DOK6: variants seen among roughly 807,000 people sequenced by gnomAD.
DOK6 encodes the protein downstream of tyrosine kinase 6.
DOK6 carries 22 observed loss-of-function variants against 44.0 expected under a neutral mutation model. The observed-to-expected ratio is 0.50, with a 90% CI of 0.36 to 0.71. The LOEUF (loss-of-function observed/expected upper bound fraction) is 0.71. DOK6 is among the 30% of genes least tolerant of loss of function. The pLI is 0.00. For missense variants in DOK6, 340 were observed against 416.4 expected (o/e 0.82, Z 1.60); for synonymous variants, 166 against 145.5 (o/e 1.14, Z -1.01).
chr18:69,697,090 T>A (rs4456607), intron 4 of DOK6, among the ~76,000 whole-genome samples: 146,773 of 152,262 alleles, frequency 0.96, 71,005 homozygotes, highest in East Asian at 1. Context: ...TATGGCTAGT[T>A]AATGTTAAGC....
At chr18:69,452,647 A>G (rs377647574) in intron 1 of DOK6, among the ~76,000 whole-genome samples, 13 of 146,786 alleles carry the variant, frequency 8.9e-5, no homozygotes, top group African/African-American at 3.1e-4. Context: ...ATGAACATTG[A>G]TGCAAAAATC....
intron 5 of DOK6, among the ~76,000 whole-genome samples, chr18:69,712,710 G>A (rs552265067): frequency 4.6e-5 from 7 of 152,066 alleles, no homozygotes; most frequent in African/African-American, 1.2e-4. Flanking sequence ...AGCCAGGAGT[G>A]GGGGTGTGCA....
At chr18:69,779,699 T>TGC (rs1424871752) in intron 7 of DOK6, among the ~76,000 whole-genome samples, 1 of 151,648 alleles carries the variant, frequency 6.6e-6, no homozygotes, top group African/African-American at 2.4e-5. Flanking sequence ...CGTGTGTGTG[T>TGC]GTGTGTGTGT....
At chr18:69,606,325 T>A (rs976245388) in intron 3 of DOK6, among the ~76,000 whole-genome samples, 14 of 120,720 alleles carry the variant, frequency 1.2e-4, no homozygotes, top group African/African-American at 3.9e-4. Context: ...AATAAATAAA[T>A]AAAATTCCCA....
At chr18:69,735,354 A>G (rs117753134) in intron 5 of DOK6, among the ~76,000 whole-genome samples, 739 of 152,360 alleles carry the variant, frequency 4.9e-3, no homozygotes, top group Non-Finnish European at 7.9e-3. Context: ...CCTCCAGCTC[A>G]ATACTCCTCT....
intron 7 of DOK6, among the ~76,000 whole-genome samples, chr18:69,771,573 A>C (rs1462398976): frequency 6.6e-6 from 1 of 151,888 alleles, no homozygotes; most frequent in East Asian, 1.9e-4. Flanking sequence ...TTTCAATCAG[A>C]ATTTATGGGG....
rs868566152 is a variant in DOK6, at chr18:69,683,090, A to G, written c.409+5237A>G. On this transcript the variant is annotated intron_variant, in intron 4 of 7. Coordinates refer to ENST00000382713, the MANE Select transcript of DOK6 (RefSeq NM_152721.6). ...ATATTCACTTATATACATATTCTTT[A>G]TAACCAAACAAAAGAGTTTTCCAGG... Among the ~76,000 whole-genome samples, 8 of 152,276 alleles carry G rather than the reference A, an allele frequency of 5.3e-5. No individual in the cohort carries two copies. In the South Asian group the frequency reaches 1.4e-3, roughly 28 times the overall value.
chr18:69,848,150 T>G lies in DOK6; in HGVS notation c.*6767T>G, dbSNP rs920426350. ...CACAGAATTACCCCATCCTGCAAAA[T>G]CCTTATCCCTATGAATCTCTAAAAT... On this transcript the variant is annotated 3_prime_UTR_variant, in exon 8 of 8. Coordinates refer to ENST00000382713, the MANE Select transcript of DOK6 (RefSeq NM_152721.6). 2.0e-5 allele frequency: 3 copies of G among 152,246 alleles called. No individual in the cohort carries two copies. Among genetic ancestry groups the G allele is most frequent in the African/African-American group, 7.2e-5 (3 of 41,534 alleles). 9.4% of individuals were successfully genotyped at this position (152,246 alleles called of 1,614,324 possible).
intron 1 of DOK6, among the ~76,000 whole-genome samples, chr18:69,412,398 T>C (rs1445057430): frequency 1.3e-5 from 2 of 152,060 alleles, no homozygotes; most frequent in Admixed American, 1.3e-4. Context: ...AGAAAAATAA[T>C]TATTTTACTT....
At chr18:69,596,915 G>A (rs1195360087) in intron 2 of DOK6, among the ~76,000 whole-genome samples, 1 of 152,058 alleles carries the variant, frequency 6.6e-6, no homozygotes, top group Non-Finnish European at 1.5e-5. Context: ...TGGCAGCAAA[G>A]TTGTATCGAC....
At chr18:69,796,512 A>C (rs2145102039) in intron 7 of DOK6, among the ~76,000 whole-genome samples, 1 of 152,280 alleles carries the variant, frequency 6.6e-6, no homozygotes, top group South Asian at 2.1e-4. Flanking sequence ...TGTCAGTAAG[A>C]GTTCTGATAG....
In DOK6 at chr18:69,585,720, G is replaced by A. The variant is rs151320919; in HGVS notation, c.175-13664G>A. Among the ~76,000 whole-genome samples, 11 of 152,234 alleles carry A rather than the reference G, an allele frequency of 7.2e-5. No individual in the cohort carries two copies. In the East Asian group the frequency reaches 7.7e-4, roughly 11 times the overall value. Reference sequence around the variant, plus strand: ...AGGGATACACTGTACTGCTTTTAGCGTCTATGTAATCTTGCCTGAGAACTA... The same window carrying A: ...AGGGATACACTGTACTGCTTTTAGCATCTATGTAATCTTGCCTGAGAACTA... On this transcript the variant is annotated intron_variant, in intron 2 of 7. Coordinates refer to ENST00000382713, the MANE Select transcript of DOK6 (RefSeq NM_152721.6).
chr18:69,630,376 G>A (rs1984662496), intron 3 of DOK6, among the ~76,000 whole-genome samples: 1 of 151,998 alleles, frequency 6.6e-6, no homozygotes, highest in South Asian at 2.1e-4. Flanking sequence ...GTCCCACCTT[G>A]TCACATTTTA....
At chr18:69,585,686 G>A (rs1388612011) in intron 2 of DOK6, among the ~76,000 whole-genome samples, 1 of 152,146 alleles carries the variant, frequency 6.6e-6, no homozygotes, top group Non-Finnish European at 1.5e-5. Flanking sequence ...ACCAGTTAGG[G>A]TTGTGTGTAG....
chr18:69,522,842 G>A (rs1981725086), intron 1 of DOK6, among the ~76,000 whole-genome samples: 1 of 152,054 alleles, frequency 6.6e-6, no homozygotes, highest in South Asian at 2.1e-4. Context: ...TTATCGTTAA[G>A]TATGTGATGG....
At chr18:69,640,419 C>A (rs1319955083) in intron 3 of DOK6, among the ~76,000 whole-genome samples, 1 of 152,218 alleles carries the variant, frequency 6.6e-6, no homozygotes, top group South Asian at 2.1e-4. Context: ...GTACCCTTTG[C>A]CACATTCAGT....
chr18:69,572,113 A>G (rs2144603663), intron 2 of DOK6, among the ~76,000 whole-genome samples: 1 of 152,280 alleles, frequency 6.6e-6, no homozygotes, highest in South Asian at 2.1e-4. Flanking sequence ...CCAAGGAGCA[A>G]TATGCAAAAG....
chr18:69,655,761 C>CAAAA (rs74175379), intron 3 of DOK6, among the ~76,000 whole-genome samples: 97 of 43,112 alleles, frequency 2.2e-3, no homozygotes, highest in Non-Finnish European at 2.9e-3. Flanking sequence ...CCCCACCCCT[C>CAAAA]AAAAAAAAAA....
At chr18:69,416,795 G>A (rs1428954844) in intron 1 of DOK6, among the ~76,000 whole-genome samples, 2 of 152,136 alleles carry the variant, frequency 1.3e-5, no homozygotes, top group Admixed American at 1.3e-4. Flanking sequence ...CATTTATATA[G>A]ACTATGTTGT....
Sources: allele counts gnomAD v4.1 joint callset (sites outside exome capture counted in the v4.1 genomes callset), GRCh38; gene constraint gnomAD v4.1.1; transcripts MANE v1.5; gene names NCBI Gene and HGNC (gene_info 2026-07-23, HGNC 2026-07-21).